Variants in AK3 observed in about 807,000 individuals in gnomAD.
AK3 encodes GTP:AMP phosphotransferase AK3, mitochondrial.
AK3 carries 27 observed loss-of-function variants against 23.7 expected under a neutral mutation model. The ratio of observed to expected loss-of-function variants is 1.14; its 90% CI spans 0.84 to 1.57. The LOEUF (loss-of-function observed/expected upper bound fraction) is 1.57, where lower values mean the gene tolerates loss of function less well. Ranked by LOEUF, AK3 falls within the 40% of genes most tolerant of loss-of-function variation. AK3 has a pLI of 0.00. For missense variants in AK3, 406 were observed against 285.6 expected, an observed-to-expected ratio of 1.42 and a Z score of -3.04; for synonymous variants, 159 against 116.0, an observed-to-expected ratio of 1.37 and a Z score of -2.38.
Position 4,710,997 on chromosome 9 carries a change from G to C in AK3, c.*1979C>G, listed in dbSNP as rs1350471255. Reference sequence around the variant, plus strand: ...CAAAACTTTGGGCTAAGTGTTTGCGGGTGGGGAGGGAATGGTCACAGGAAA... The same window carrying C: ...CAAAACTTTGGGCTAAGTGTTTGCGCGTGGGGAGGGAATGGTCACAGGAAA... On this transcript the variant is annotated 3_prime_UTR_variant, in exon 5 of 5. Transcript: ENST00000381809. 2.0e-5 allele frequency: 3 copies of C among 152,208 alleles called. No homozygotes were observed. 9.4% of individuals were successfully genotyped at this position (152,208 alleles called of 1,614,324 possible).
intron 1 of AK3, among the ~76,000 whole-genome samples, chr9:4,736,762 C>T (rs546801923): frequency 6.6e-6 from 1 of 151,702 alleles, no homozygotes; most frequent in African/African-American, 2.4e-5. Flanking sequence ...ACTGCAGCCT[C>T]GAACTCCTGA....
intron 1 of AK3, among the ~76,000 whole-genome samples, chr9:4,729,032 C>T (rs1316656413): frequency 1.5e-4 from 14 of 93,434 alleles, no homozygotes; most frequent in Middle Eastern, 7.0e-3. Context: ...TTTTTTGAGA[C>T]GGAATTTTGC....
In AK3 at chr9:4,719,266, C is replaced by T; in HGVS notation, c.313G>A (p.Ala105Thr). 6 of 1,570,704 alleles carry T rather than the reference C, an allele frequency of 3.8e-6. No homozygotes were observed. The highest frequency in any genetic ancestry group is 5.2e-6 in the Non-Finnish European group (6 of 1,154,094). ...TLPQAEALDR[A>T]YQIDTVINLN... ...TTAATCACTGTGTCGATCTGATAAGCTCTATCTAGGGCTTCTGCCTGTGGA... is the reference window on the plus strand; with the variant it reads ...TTAATCACTGTGTCGATCTGATAAGTTCTATCTAGGGCTTCTGCCTGTGGA... The change falls in exon 3 of 5, where the codon GCT becomes ACT. Residue 105 changes from alanine (A) to threonine (T), a missense_variant. Ala to Thr is a moderately conservative substitution (Grantham distance 58). Transcript: ENST00000381809.
At chr9:4,734,390 T>C (rs1314247468) in intron 1 of AK3, among the ~76,000 whole-genome samples, 1 of 152,228 alleles carries the variant, frequency 6.6e-6, no homozygotes, top group African/African-American at 2.4e-5. Context: ...TCTGCCCTCC[T>C]GCTCCCATGC....
At chr9:4,739,918 A>T (rs896778554) in intron 1 of AK3, among the ~76,000 whole-genome samples, 1 of 152,080 alleles carries the variant, frequency 6.6e-6, no homozygotes, top group Non-Finnish European at 1.5e-5. Flanking sequence ...AAAAAAGAAA[A>T]AAGGTACACG....
intron 1 of AK3, among the ~76,000 whole-genome samples, chr9:4,735,844 G>T (rs1393437090): frequency 6.6e-6 from 1 of 151,954 alleles, no homozygotes; most frequent in African/African-American, 2.4e-5. Context: ...GCCAGGTGCA[G>T]TAGCTCACGC....
intron 1 of AK3, among the ~76,000 whole-genome samples, chr9:4,740,259 A>G (rs538824650): frequency 2.6e-4 from 40 of 152,282 alleles, no homozygotes; most frequent in South Asian, 6.2e-4. Context: ...CCACAAATTC[A>G]CCCATTGTAT....
At chr9:4,735,694 CCT>C (rs1472174823) in intron 1 of AK3, among the ~76,000 whole-genome samples, 2 of 150,072 alleles carry the variant, frequency 1.3e-5, no homozygotes, top group Non-Finnish European at 3.0e-5. Context: ...ATCCCAAACC[CCT>C]GACCTCAAAT....
At chr9:4,725,247 G>A (rs1841997252) in intron 1 of AK3, among the ~76,000 whole-genome samples, 1 of 151,388 alleles carries the variant, frequency 6.6e-6, no homozygotes, top group Admixed American at 6.6e-5. Context: ...TCGAAATCCT[G>A]ACCTCGTGAT....
Position 4,719,302 on chromosome 9 carries a change from G to C in AK3, c.277C>G (p.Pro93Ala). 7.9e-7 allele frequency: 1 copy of C among 1,273,214 alleles called. No individual in the cohort carries two copies. 78.9% of individuals were successfully genotyped at this position (1,273,214 alleles called of 1,614,324 possible). ...GCTTCTGCCTGTGGAAGTGTCCTTG[G>C]AAAACCTTTATAAAGTAAAAAAGAA... is the stretch of plus-strand genomic sequence containing the variant. ...TQYSWLLDGF[P>A]RTLPQAEALD... Residue 93 changes from proline to alanine, a missense_variant, in exon 3 of 5, where the codon CCA becomes GCA. Coordinates refer to ENST00000381809, the MANE Select transcript of AK3 (RefSeq NM_016282.4).
chr9:4,733,195 C>A (rs1243201622), intron 1 of AK3, among the ~76,000 whole-genome samples: 2 of 152,060 alleles, frequency 1.3e-5, no homozygotes, highest in Non-Finnish European at 2.9e-5. Flanking sequence ...AGAGAATTAA[C>A]CTAGCTCCTG....
intron 4 of AK3, among the ~76,000 whole-genome samples, chr9:4,717,815 G>C (rs1454453771): frequency 6.6e-6 from 1 of 152,200 alleles, no homozygotes; most frequent in Non-Finnish European, 1.5e-5. Context: ...CTAAGTTATG[G>C]TGCTTGGTAT....
At chr9:4,731,177 T>C (rs1004533929) in intron 1 of AK3, among the ~76,000 whole-genome samples, 1 of 152,234 alleles carries the variant, frequency 6.6e-6, no homozygotes, top group African/African-American at 2.4e-5. Context: ...ATGGGTGAAC[T>C]TGTGTCATGG....
Position 4,728,214 on chromosome 9 carries a change from A to C in AK3, c.152-5589T>G, listed in dbSNP as rs1003220564. On this transcript the variant is annotated intron_variant, in intron 1 of 4. Coordinates refer to ENST00000381809, the MANE Select transcript of AK3 (RefSeq NM_016282.4). ...TTGCTTGACACAGAGTTGCCACAAA[A>C]CTTAGATTTGTAAAAAAAGATACAG... is the stretch of plus-strand genomic sequence containing the variant. 4.6e-5 allele frequency among the ~76,000 whole-genome samples: 7 copies of C among 152,222 alleles called. No individual in the cohort carries two copies. In the South Asian group the frequency reaches 1.4e-3, roughly 32 times the overall value.
intron 4 of AK3, among the ~76,000 whole-genome samples, chr9:4,714,640 G>T (rs910865546): frequency 6.6e-6 from 1 of 152,116 alleles, no homozygotes; most frequent in South Asian, 2.1e-4. Flanking sequence ...GCACCTATTC[G>T]ATCCTAAATC....
chr9:4,726,782 A>G (rs1437334504), intron 1 of AK3, among the ~76,000 whole-genome samples: 2 of 150,972 alleles, frequency 1.3e-5, no homozygotes, highest in Non-Finnish European at 2.9e-5. Flanking sequence ...AAGTTTTTCT[A>G]TTTACTTTGC....
intron 1 of AK3, among the ~76,000 whole-genome samples, chr9:4,740,134 T>G (rs1484637741): frequency 1.3e-5 from 2 of 151,796 alleles, no homozygotes; most frequent in Non-Finnish European, 2.9e-5. Flanking sequence ...TAAATGGGTT[T>G]CAAAATGAGT....
chr9:4,729,015 A>ATATATATATTTTTT lies in AK3; in HGVS notation c.152-6391_152-6390insAAAAAATATATATA, dbSNP rs71326127. ...CACACACACATATATATATATATAT[A>ATATATATATTTTTT]TTTTTTTTTTTTGAGACGGAATTTT... is the stretch of plus-strand genomic sequence containing the variant. On this transcript the variant is annotated intron_variant, in intron 1 of 4. Coordinates refer to ENST00000381809, the MANE Select transcript of AK3 (RefSeq NM_016282.4). 3.7e-4 allele frequency among the ~76,000 whole-genome samples: 48 copies of ATATATATATTTTTT among 129,426 alleles called. 1 individual carries two copies. Among genetic ancestry groups the ATATATATATTTTTT allele is most frequent in the Middle Eastern group, 7.9e-3 (2 of 254 alleles). The allele number at this position is 129,426 out of a possible 152,430, so 84.9% of individuals were successfully genotyped here.
chr9:4,740,970 C>T lies in AK3; in HGVS notation c.118G>A (p.Asp40Asn), dbSNP rs774671664. The T allele has an allele frequency of 3.8e-6, 6 of 1,584,036 alleles. No individual in the cohort carries two copies. Among genetic ancestry groups the T allele is most frequent in the South Asian group, 2.3e-5 (2 of 87,498 alleles). The change falls in exon 1 of 5, where the codon GAC becomes AAC. Residue 40 changes from aspartate to asparagine, a missense_variant. Physicochemically the swap from Asp to Asn is conservative, Grantham distance 23. Transcript: ENST00000381809. ...CGCAGCATGTTGTCCCGGAGCAGGT[C>T]CCCGCTGGAGAGGTGCTTCAGCTCG... is the stretch of plus-strand genomic sequence containing the variant. Reference protein sequence around the residue: ...HFELKHLSSGDLLRDNMLRGT... With the variant: ...HFELKHLSSGNLLRDNMLRGT...
Sources: gnomAD v4.1 joint callset for allele counts (sites outside exome capture counted in the v4.1 genomes callset) on GRCh38, gnomAD v4.1.1 for gene constraint, MANE v1.5 for transcripts, NCBI Gene and HGNC (gene_info 2026-07-23, HGNC 2026-07-21) for gene names.